ZNF503: variants seen among roughly 807,000 people sequenced by gnomAD.
ZNF503 encodes the protein zinc finger protein 503, also known as NocA-like zinc finger 2.
In ZNF503, 15 loss-of-function variants were observed where a neutral mutation model predicts 34.4. The observed-to-expected ratio is 0.44, with a 90% CI of 0.29 to 0.67. The LOEUF (loss-of-function observed/expected upper bound fraction) is 0.67. ZNF503 is among the 30% of genes least tolerant of loss of function. The pLI, the probability that ZNF503 is intolerant of heterozygous loss-of-function variation, is 0.13. For missense variants in ZNF503, 1,007 were observed against 926.8 expected (o/e 1.09, Z -1.12); for synonymous variants, 580 against 456.8 (o/e 1.27, Z -3.44).
chr10:75,400,502 G>A (rs1169511240), intron 1 of ZNF503, 128 bp from the exon 2 acceptor site: 2 of 1,428,320 alleles, frequency 1.4e-6, no homozygotes, highest in African/African-American at 1.4e-5. Flanking sequence ...GCCCCAAGGC[G>A]CAATTCTAGG....
the ZNF503 span, among the ~76,000 whole-genome samples, chr10:75,315,427 A>G: frequency 6.6e-6 from 1 of 152,222 alleles, no homozygotes; most frequent in Non-Finnish European, 1.5e-5. Flanking sequence ...AAAAAGATGT[A>G]AATTGTGACA....
chr10:75,354,847 T>C, the ZNF503 span, among the ~76,000 whole-genome samples: 4 of 75,994 alleles, frequency 5.3e-5, no homozygotes, highest in African/African-American at 1.8e-4. Context: ...TTTTGTTTTG[T>C]TTTGTTTTGT....
rs960717737 is a variant in ZNF503, at chr10:75,398,417, A to C, written c.*332T>G. 1.4e-5 allele frequency: 3 copies of C among 218,862 alleles called. No individual in the cohort carries two copies. Among genetic ancestry groups the C allele is most frequent in the Non-Finnish European group, 2.7e-5 (3 of 112,374 alleles). The allele number at this position is 218,862 out of a possible 1,614,324, so 13.6% of individuals were successfully genotyped here. ...TTGAACCACCGGTCCGCTTGGAGCTAACATAAATAAATACCAGTGTCCACC... is the reference window on the plus strand; with the variant it reads ...TTGAACCACCGGTCCGCTTGGAGCTCACATAAATAAATACCAGTGTCCACC... On this transcript the variant is annotated 3_prime_UTR_variant, in exon 2 of 2. Transcript: ENST00000372524.
the ZNF503 span, among the ~76,000 whole-genome samples, chr10:75,362,996 G>T: frequency 6.6e-6 from 1 of 152,256 alleles, no homozygotes. Context: ...GCAAGGAAGG[G>T]TTTAAGTGTC....
At chr10:75,318,887 C>T in the ZNF503 span, among the ~76,000 whole-genome samples, 1 of 151,142 alleles carries the variant, frequency 6.6e-6, no homozygotes, top group Non-Finnish European at 1.5e-5. Flanking sequence ...CCCTTTCTTC[C>T]TTCCTTCTTT....
At chr10:75,347,848 A>C in the ZNF503 span, among the ~76,000 whole-genome samples, 1 of 151,840 alleles carries the variant, frequency 6.6e-6, no homozygotes, top group Non-Finnish European at 1.5e-5. Flanking sequence ...CCACCCAGTT[A>C]CTCCCTTCTT....
chr10:75,297,643 C>A, the ZNF503 span, among the ~76,000 whole-genome samples: 1 of 152,252 alleles, frequency 6.6e-6, no homozygotes, highest in Non-Finnish European at 1.5e-5. Flanking sequence ...AGCTGCACAG[C>A]TGAGCTTCAC....
chr10:75,322,673 G>T, the ZNF503 span, among the ~76,000 whole-genome samples: 1 of 151,852 alleles, frequency 6.6e-6, no homozygotes, highest in African/African-American at 2.4e-5. Flanking sequence ...CTACAAAAAA[G>T]AAATTAAAAA....
the ZNF503 span, among the ~76,000 whole-genome samples, chr10:75,342,367 C>T: frequency 3.9e-5 from 6 of 152,052 alleles, no homozygotes; most frequent in Admixed American, 1.3e-4. Context: ...TATTGGGGAA[C>T]GCTTTCAGGA....
At chr10:75,294,727 G>A in the ZNF503 span, among the ~76,000 whole-genome samples, 8 of 130,516 alleles carry the variant, frequency 6.1e-5, 1 homozygote, top group African/African-American at 2.3e-4. Flanking sequence ...GAGGGGTGGG[G>A]AAGGAGAGGA....
At chr10:75,337,167 CA>C in the ZNF503 span, among the ~76,000 whole-genome samples, 2 of 151,428 alleles carry the variant, frequency 1.3e-5, no homozygotes, top group South Asian at 2.1e-4. Flanking sequence ...CTACAAAAAA[CA>C]CAACAATTAG....
chr10:75,294,393 C>G, the ZNF503 span, among the ~76,000 whole-genome samples: 19 of 152,188 alleles, frequency 1.2e-4, no homozygotes, highest in African/African-American at 4.3e-4. Flanking sequence ...GACGGGGTTC[C>G]CCTGGAGCTC....
At chr10:75,340,507 C>A in the ZNF503 span, among the ~76,000 whole-genome samples, 1 of 152,122 alleles carries the variant, frequency 6.6e-6, no homozygotes, top group Non-Finnish European at 1.5e-5. Flanking sequence ...CTGAAAACAA[C>A]CAAAATATCC....
chr10:75,301,294 G>T, the ZNF503 span, among the ~76,000 whole-genome samples: 1 of 152,088 alleles, frequency 6.6e-6, no homozygotes, highest in Non-Finnish European at 1.5e-5. Context: ...AGGATGGAGT[G>T]CAGTGGTGTG....
chr10:75,370,312 G>C, the ZNF503 span, among the ~76,000 whole-genome samples: 2 of 152,040 alleles, frequency 1.3e-5, no homozygotes, highest in Non-Finnish European at 2.9e-5. Context: ...TCAGGGCAGG[G>C]GCCAGGAAAG....
the ZNF503 span, among the ~76,000 whole-genome samples, chr10:75,359,288 G>T: frequency 6.6e-6 from 1 of 152,224 alleles, no homozygotes; most frequent in Non-Finnish European, 1.5e-5. Context: ...CCCCAGCACA[G>T]TTCCTCATTC....
the ZNF503 span, among the ~76,000 whole-genome samples, chr10:75,293,714 A>G: frequency 6.6e-6 from 1 of 151,822 alleles, no homozygotes; most frequent in African/African-American, 2.4e-5. Context: ...GATGTTTTGG[A>G]AAGTCAAGGA....
At position 75,399,185 on chromosome 10, in the gene ZNF503, G is replaced by A; in HGVS notation, c.1505C>T (p.Pro502Leu). Residue 502 changes from proline (P) to leucine (L), a missense_variant, in exon 2 of 2, where the codon CCC (proline) becomes CTC (leucine). By Grantham distance (98) the Pro-to-Leu change is moderately conservative (BLOSUM62 -3). Coordinates refer to ENST00000372524, the MANE Select transcript of ZNF503 (RefSeq NM_032772.6). ...GTCGTTAGGGAGCATAAAGCCGTAG[G>A]GGTAGAGGGGGTGGCCGGCCAGGGA... Reference protein sequence around the residue: ...PPSLAGHPLYPYGFMLPNDPL... With the variant: ...PPSLAGHPLYLYGFMLPNDPL... 1 of 1,604,930 alleles carries A rather than the reference G, an allele frequency of 6.2e-7. No homozygotes were observed. Among genetic ancestry groups the A allele is most frequent in the Non-Finnish European group, 8.5e-7 (1 of 1,174,252 alleles).
the ZNF503 span, among the ~76,000 whole-genome samples, chr10:75,335,786 C>CTG: frequency 1.1e-4 from 17 of 152,180 alleles, 1 homozygote; most frequent in African/African-American, 4.1e-4. Context: ...AGGCATGAAC[C>CTG]TCTGTCTTTG....
Sources: allele counts gnomAD v4.1 joint callset (sites outside exome capture counted in the v4.1 genomes callset), GRCh38; gene constraint gnomAD v4.1.1; transcripts MANE v1.5; gene names NCBI Gene and HGNC (gene_info 2026-07-23, HGNC 2026-07-21).